PLCE1: variants seen among roughly 807,000 people sequenced by gnomAD.
The protein encoded by PLCE1 is phospholipase C epsilon 1, also known as 1-phosphatidylinositol 4,5-bisphosphate phosphodiesterase epsilon-1.
PLCE1 carries 119 observed loss-of-function variants against 242.8 expected under a neutral mutation model. The observed-to-expected ratio is 0.49, with a 90% CI of 0.42 to 0.57. The LOEUF (loss-of-function observed/expected upper bound fraction) is 0.57, where lower values mean the gene tolerates loss of function less well. Among genes scored for constraint, PLCE1 ranks in the 20% least tolerant of loss-of-function variants. The pLI, the probability that PLCE1 is intolerant of heterozygous loss-of-function variation, is 0.00. For missense variants in PLCE1, 2,441 were observed against 2,788.8 expected (o/e 0.88, Z 2.81); for synonymous variants, 945 against 1,017.4 (o/e 0.93, Z 1.35).
intron 3 of PLCE1, among the ~76,000 whole-genome samples, chr10:94,149,580 A>G (rs1433539287): frequency 1.3e-5 from 2 of 152,164 alleles, no homozygotes; most frequent in African/African-American, 2.4e-5. Flanking sequence ...CAGAAACTGC[A>G]TTTTTTAAAA....
At chr10:94,275,990 C>T (rs2051940556) in intron 19 of PLCE1, among the ~76,000 whole-genome samples, 1 of 152,154 alleles carries the variant, frequency 6.6e-6, no homozygotes, top group Non-Finnish European at 1.5e-5. Flanking sequence ...ATGGGAGCCT[C>T]ACATTTATCT....
chr10:94,123,357 C>T (rs1409541153), intron 2 of PLCE1, among the ~76,000 whole-genome samples: 1 of 152,188 alleles, frequency 6.6e-6, no homozygotes, highest in Non-Finnish European at 1.5e-5. Flanking sequence ...CCCATAGAAG[C>T]CTCTGGCACA....
At chr10:94,257,684 C>T (rs536718114) in intron 11 of PLCE1, among the ~76,000 whole-genome samples, 2 of 152,276 alleles carry the variant, frequency 1.3e-5, no homozygotes, top group South Asian at 4.1e-4. Context: ...GAAAACCAAA[C>T]ACCGCGTGTT....
At chr10:94,257,209 C>A (rs1011401800) in intron 11 of PLCE1, among the ~76,000 whole-genome samples, 4 of 151,906 alleles carry the variant, frequency 2.6e-5, no homozygotes, top group African/African-American at 9.7e-5. Context: ...GGTTGAGAGT[C>A]ACTTCAACAA....
In PLCE1 at chr10:94,250,131, CAAA is replaced by C. The variant is rs34113881; in HGVS notation, c.3097-2168_3097-2166del. 4.1e-3 allele frequency among the ~76,000 whole-genome samples: 390 copies of C among 95,678 alleles called. 1 individual carries two copies. Among genetic ancestry groups the C allele is most frequent in the African/African-American group, 0.014 (345 of 25,294 alleles). 62.8% of individuals were successfully genotyped at this position (95,678 alleles called of 152,430 possible). On this transcript the variant is annotated intron_variant, in intron 8 of 32. Coordinates refer to ENST00000371380, the MANE Select transcript of PLCE1 (RefSeq NM_016341.4). Reference sequence around the variant, plus strand: ...TGGGCAAGAGTGCGAGACTCTGTCTCAAAAAAAAAAAAAAAAAAACTGTTTTCT... The same window carrying C: ...TGGGCAAGAGTGCGAGACTCTGTCTCAAAAAAAAAAAAAAAACTGTTTTCT...
chr10:94,128,402 C>T (rs1195683012), intron 2 of PLCE1, among the ~76,000 whole-genome samples: 1 of 152,184 alleles, frequency 6.6e-6, no homozygotes, highest in African/African-American at 2.4e-5. Flanking sequence ...ATTGGTGTGA[C>T]TGGGATGCAT....
intron 7 of PLCE1, among the ~76,000 whole-genome samples, chr10:94,245,323 T>A (rs949008893): frequency 2.0e-5 from 3 of 152,202 alleles, no homozygotes; most frequent in Non-Finnish European, 4.4e-5. Context: ...GTACATAAAG[T>A]ATTTAACACG....
Position 94,235,967 on chromosome 10 carries a change from A to T in PLCE1, c.2267A>T (p.Asn756Ile). 1 of 1,614,092 alleles carries T rather than the reference A, an allele frequency of 6.2e-7. No homozygotes were observed. The highest frequency in any genetic ancestry group is 8.5e-7 in the Non-Finnish European group (1 of 1,179,960). ...AATTTCTTACAACGAGTGGGACAAAATGGCTTAAAGAATTCGGAGAAGGAG... is the reference window on the plus strand; with the variant it reads ...AATTTCTTACAACGAGTGGGACAAATTGGCTTAAAGAATTCGGAGAAGGAG... ...QDNFLQRVGQ[N>I]GLKNSEKEST... Residue 756 changes from asparagine to isoleucine, a missense_variant, in exon 7 of 33, where the codon AAT becomes ATT. Physicochemically the swap from Asn to Ile is moderately radical, Grantham distance 149. Transcript: ENST00000371380.
intron 3 of PLCE1, among the ~76,000 whole-genome samples, chr10:94,151,816 A>C (rs2136119057): frequency 6.6e-6 from 1 of 152,266 alleles, no homozygotes; most frequent in South Asian, 2.1e-4. Flanking sequence ...TTGGGCTTAA[A>C]GTTGTAGTTT....
chr10:94,323,233 G>A (rs1205217311), intron 30 of PLCE1, among the ~76,000 whole-genome samples: 12 of 152,284 alleles, frequency 7.9e-5, no homozygotes. Context: ...CATGGTTTCA[G>A]AGAAGTTTGC....
At chr10:94,182,020 C>A (rs532836627) in intron 4 of PLCE1, among the ~76,000 whole-genome samples, 1 of 152,118 alleles carries the variant, frequency 6.6e-6, no homozygotes, top group Admixed American at 6.6e-5. Flanking sequence ...ACATCAGTCA[C>A]AGCAGTACTC....
At chr10:94,207,747 A>T (rs996795310) in intron 4 of PLCE1, among the ~76,000 whole-genome samples, 3 of 152,184 alleles carry the variant, frequency 2.0e-5, no homozygotes, top group Admixed American at 1.3e-4. Flanking sequence ...AATCTGAAAC[A>T]TCTTGTTATG....
chr10:94,184,280 A>G (rs748768823), intron 4 of PLCE1, among the ~76,000 whole-genome samples: 1 of 152,202 alleles, frequency 6.6e-6, no homozygotes, highest in Non-Finnish European at 1.5e-5. Flanking sequence ...ATCCAAGATA[A>G]CAAGACCCTG....
intron 2 of PLCE1, among the ~76,000 whole-genome samples, chr10:94,114,661 G>A (rs1179186371): frequency 6.6e-6 from 1 of 151,936 alleles, no homozygotes; most frequent in East Asian, 1.9e-4. Context: ...AGAGTTCACA[G>A]TATAGCTGTT....
rs1343115907 is a variant in PLCE1 at position 94,306,617 on chromosome 10, T to G, written c.5813T>G (p.Phe1938Cys). 3.1e-6 allele frequency: 5 copies of G among 1,614,040 alleles called. No individual in the cohort carries two copies. The highest frequency in any genetic ancestry group is 4.2e-6 in the Non-Finnish European group (5 of 1,179,986). The change falls in exon 26 of 33, where the codon TTT (phenylalanine) becomes TGT (cysteine). Residue 1938 changes from phenylalanine to cysteine, a missense_variant. By Grantham distance (205) the Phe-to-Cys change is radical. Around this residue, in one of 5 missense-constraint regions of PLCE1, gnomAD observed 1,004 missense variants for 1,322.7 expected, o/e 0.76. Coordinates refer to ENST00000371380, the MANE Select transcript of PLCE1 (RefSeq NM_016341.4). This position sits in a 1 kb window ranked among gnomAD's most constrained non-coding sequence, Gnocchi z 5.7. ...VHFEDLVFLR[F>C]AVVENNSSAV... ...TTCGAAGATCTTGTATTTCTTCGTTTTGCAGTTGTGGAAAACAATAGTTCA... is the reference window on the plus strand; with the variant it reads ...TTCGAAGATCTTGTATTTCTTCGTTGTGCAGTTGTGGAAAACAATAGTTCA...
chr10:94,171,414 A>C lies in PLCE1; in HGVS notation c.1727A>C (p.Lys576Thr). The C allele has an allele frequency of 1.2e-6, 2 of 1,614,150 alleles. No homozygotes were observed. The highest frequency in any genetic ancestry group is 1.7e-6 in the Non-Finnish European group (2 of 1,180,008). The change falls in exon 4 of 33, where the codon AAA becomes ACA. Residue 576 changes from lysine (K) to threonine (T), a missense_variant. Lys to Thr is a moderately conservative substitution (Grantham distance 78). Around this residue, in one of 5 missense-constraint regions of PLCE1, gnomAD observed 733 missense variants for 754.2 expected, o/e 0.97. Coordinates refer to ENST00000371380, the MANE Select transcript of PLCE1 (RefSeq NM_016341.4). Reference protein sequence around the residue: ...PECQSSLPCLKASISASILTT... With the variant: ...PECQSSLPCLTASISASILTT... The stretch of plus-strand genomic sequence containing the variant: ...TGCCAGAGCTCCTTGCCCTGCCTCA[A>C]AGCATCCATCTCAGCGTCGATTCTT...
chr10:94,180,420 T>C (rs1427686398), intron 4 of PLCE1, among the ~76,000 whole-genome samples: 1 of 152,152 alleles, frequency 6.6e-6, no homozygotes, highest in Non-Finnish European at 1.5e-5. Context: ...AATTTATCAT[T>C]TCCACAGCAC....
At chr10:94,163,922 G>A (rs2047704489) in intron 3 of PLCE1, among the ~76,000 whole-genome samples, 1 of 152,062 alleles carries the variant, frequency 6.6e-6, no homozygotes, top group Non-Finnish European at 1.5e-5. Context: ...GCTTAGTTTG[G>A]CTGGATATGA....
chr10:94,215,430 T>C (rs1033221999), intron 4 of PLCE1, among the ~76,000 whole-genome samples: 1 of 152,170 alleles, frequency 6.6e-6, no homozygotes, highest in African/African-American at 2.4e-5. Flanking sequence ...TCCAGGGGGA[T>C]AGTGGTCACC....
Sources: gnomAD v4.1 joint callset for allele counts (sites outside exome capture counted in the v4.1 genomes callset) on GRCh38, gnomAD v4.1.1 for gene constraint, gnomAD v4.1.1 regional missense constraint, Gnocchi (gnomAD v3.1) non-coding constraint, MANE v1.5 for transcripts, NCBI Gene and HGNC (gene_info 2026-07-23, HGNC 2026-07-21) for gene names.